Variants in TTC28 observed in about 807,000 individuals in gnomAD.
The protein encoded by TTC28 is tetratricopeptide repeat protein 28.
A neutral mutation model predicts 198.0 loss-of-function variants in TTC28; 61 were observed. That is an observed-to-expected ratio of 0.31 (90% CI 0.25 to 0.38). The LOEUF is 0.38. TTC28 is among the 10% of genes least tolerant of loss of function. The pLI, the probability that TTC28 is intolerant of heterozygous loss-of-function variation, is 1.00. For synonymous variants in TTC28, 1,171 were observed against 1,297.8 expected, an observed-to-expected ratio of 0.90 and a Z score of 2.10; for missense variants, 2,678 against 3,164.0, an observed-to-expected ratio of 0.85 and a Z score of 3.69.
intron 5 of TTC28, among the ~76,000 whole-genome samples, chr22:28,263,828 G>T (rs1400366999): frequency 6.6e-6 from 1 of 151,768 alleles, no homozygotes; most frequent in Non-Finnish European, 1.5e-5. Context: ...TCCACAAACA[G>T]AGTAGTAGTA....
chr22:28,079,566 G>A (rs1197739841), intron 12 of TTC28, among the ~76,000 whole-genome samples: 3 of 151,904 alleles, frequency 2.0e-5, no homozygotes, highest in Non-Finnish European at 4.4e-5. Flanking sequence ...TAAGAGCTTG[G>A]CTACTTCAGA....
intron 12 of TTC28, among the ~76,000 whole-genome samples, chr22:28,067,569 C>A (rs1476786920): frequency 6.6e-6 from 1 of 152,136 alleles, no homozygotes; most frequent in East Asian, 1.9e-4. Context: ...AGTGTCTCTA[C>A]TCGTGACATC....
chr22:28,659,137 C>T (rs186162134), intron 1 of TTC28, among the ~76,000 whole-genome samples: 32 of 152,334 alleles, frequency 2.1e-4, no homozygotes, highest in Non-Finnish European at 3.7e-4. Context: ...GTTGAACTTC[C>T]TAACCTCCAG....
At chr22:28,446,119 T>C (rs905491847) in intron 2 of TTC28, among the ~76,000 whole-genome samples, 1 of 152,088 alleles carries the variant, frequency 6.6e-6, no homozygotes, top group Non-Finnish European at 1.5e-5. Flanking sequence ...AAAATAAAAA[T>C]ACCGAGCCGG....
intron 21 of TTC28, chr22:27,985,899 G>C (rs1297842282): frequency 6.4e-6 from 1 of 155,110 alleles, no homozygotes; most frequent in Non-Finnish European, 1.5e-5. Context: ...CTCTGCCAAA[G>C]CCCAGGGGTG....
chr22:28,225,789 A>T (rs1423904146), intron 5 of TTC28, among the ~76,000 whole-genome samples: 1 of 152,088 alleles, frequency 6.6e-6, no homozygotes, highest in Non-Finnish European at 1.5e-5. Context: ...TTTTTGTCCT[A>T]CCTCCTTACC....
chr22:28,121,100 T>C (rs1203001471), intron 6 of TTC28, among the ~76,000 whole-genome samples: 4 of 152,232 alleles, frequency 2.6e-5, no homozygotes, highest in Non-Finnish European at 5.9e-5. Context: ...CATAGGAAAT[T>C]GGAGGCTCCT....
intron 6 of TTC28, among the ~76,000 whole-genome samples, chr22:28,127,024 C>A (rs982928900): frequency 1.3e-5 from 2 of 152,130 alleles, no homozygotes; most frequent in African/African-American, 4.8e-5. Context: ...CTGTGCTAGG[C>A]TCCAAATTTT....
At chr22:28,606,840 G>C (rs895685898) in intron 2 of TTC28, among the ~76,000 whole-genome samples, 5 of 152,062 alleles carry the variant, frequency 3.3e-5, no homozygotes, top group African/African-American at 1.2e-4. Flanking sequence ...AATTGTTCTG[G>C]TAATGAAATC....
intron 16 of TTC28, among the ~76,000 whole-genome samples, chr22:27,996,594 A>G (rs913671614): frequency 9.2e-5 from 14 of 152,112 alleles, no homozygotes; most frequent in Non-Finnish European, 1.3e-4. Context: ...TTAGGGGGGA[A>G]CACGTCAGGG....
At chr22:28,132,873 C>G (rs1943091446) in intron 6 of TTC28, among the ~76,000 whole-genome samples, 1 of 152,180 alleles carries the variant, frequency 6.6e-6, no homozygotes, top group African/African-American at 2.4e-5. Context: ...TTTCCAAGAA[C>G]CCTATAGACA....
intron 12 of TTC28, among the ~76,000 whole-genome samples, chr22:28,059,628 T>G (rs985846230): frequency 2.0e-5 from 3 of 152,042 alleles, no homozygotes; most frequent in Non-Finnish European, 2.9e-5. Flanking sequence ...CTATTATTTA[T>G]CAATACAGAG....
chr22:28,446,831 G>GTA (rs2047710312), intron 2 of TTC28, among the ~76,000 whole-genome samples: 1 of 152,202 alleles, frequency 6.6e-6, no homozygotes, highest in South Asian at 2.1e-4. Flanking sequence ...ACTTTATCCT[G>GTA]TAGGATGCAG....
intron 2 of TTC28, among the ~76,000 whole-genome samples, chr22:28,392,286 T>A (rs912359696): frequency 3.9e-5 from 6 of 152,240 alleles, no homozygotes; most frequent in Non-Finnish European, 8.8e-5. Flanking sequence ...AGGTTACTGC[T>A]GTCTTTTTGT....
intron 12 of TTC28, among the ~76,000 whole-genome samples, chr22:28,036,464 A>C (rs139671727): frequency 6.6e-6 from 1 of 152,328 alleles, no homozygotes; most frequent in Non-Finnish European, 1.5e-5. Flanking sequence ...CGTTCTTTGA[A>C]ACCAATGAGA....
intron 5 of TTC28, among the ~76,000 whole-genome samples, chr22:28,253,473 G>T (rs1930670106): frequency 6.6e-6 from 1 of 152,074 alleles, no homozygotes; most frequent in Non-Finnish European, 1.5e-5. Flanking sequence ...TTATTTGTTT[G>T]CTCTCTCCTA....
In TTC28 at chr22:27,996,153, C is replaced by A. The variant is rs1268588077; in HGVS notation, c.5226G>T (p.Leu1742=). 3.2e-6 allele frequency: 5 copies of A among 1,550,422 alleles called. No individual in the cohort carries two copies. Among genetic ancestry groups the A allele is most frequent in the Non-Finnish European group, 3.5e-6 (4 of 1,146,958 alleles). Residue 1742 remains leucine (L), a synonymous_variant, in exon 17 of 23, where the codon CTG becomes CTT. Transcript: ENST00000397906. ...CCCTTACCAGGTGCAGCAGCACTCG[C>A]AGGGCGTCCCGCGCACGCTCCGGGT... ...LQHPERARDA[L]RVLLHLVEKS... is the part of the protein sequence containing the mutation.
At chr22:28,645,709 C>T (rs997981264) in intron 1 of TTC28, among the ~76,000 whole-genome samples, 4 of 150,930 alleles carry the variant, frequency 2.7e-5, no homozygotes, top group African/African-American at 9.7e-5. Context: ...ATGTGTAAGC[C>T]AATAAATGTG....
At chr22:28,490,272 A>G (rs1450506891) in intron 2 of TTC28, among the ~76,000 whole-genome samples, 1 of 152,224 alleles carries the variant, frequency 6.6e-6, no homozygotes, top group Non-Finnish European at 1.5e-5. Flanking sequence ...GGTTACACCA[A>G]AGTGATACAA....
Sources: allele counts gnomAD v4.1 joint callset (sites outside exome capture counted in the v4.1 genomes callset), GRCh38; gene constraint gnomAD v4.1.1; transcripts MANE v1.5; gene names NCBI Gene and HGNC (gene_info 2026-07-23, HGNC 2026-07-21).